The following CHRM3 variants were observed in gnomAD, a reference collection of about 807,000 sequenced individuals.
The protein encoded by CHRM3 is cholinergic receptor muscarinic 3.
Under a neutral mutation model 41.8 loss-of-function variants are expected in CHRM3, and 11 were observed. The observed-to-expected ratio is 0.26, with a 90% confidence interval of 0.17 to 0.44. CHRM3 has a LOEUF of 0.44. Among genes scored for constraint, CHRM3 ranks in the 20% least tolerant of loss-of-function variants. The probability of loss-of-function intolerance (pLI) is 1.00; values close to 1 mark genes in which losing one functional copy is unlikely to be tolerated. For synonymous variants in CHRM3, 297 were observed against 301.4 expected (o/e 0.99, Z 0.15); for missense variants, 571 against 745.4 (o/e 0.77, Z 2.72).
intron 2 of CHRM3, among the ~76,000 whole-genome samples, chr1:239,507,148 A>T (rs577371724): frequency 3.9e-5 from 6 of 152,086 alleles, no homozygotes; most frequent in African/African-American, 1.4e-4. Context: ...ACTTTGGGGG[A>T]CTGTTCAGAA....
intron 1 of CHRM3, among the ~76,000 whole-genome samples, chr1:239,463,815 C>T (rs994843591): frequency 8.5e-5 from 13 of 152,176 alleles, no homozygotes; most frequent in Non-Finnish European, 1.9e-4. Context: ...ACTGAAACCT[C>T]ATGCTCATTG....
At chr1:239,807,348 C>T (rs772745254) in intron 5 of CHRM3, among the ~76,000 whole-genome samples, 81 of 152,162 alleles carry the variant, frequency 5.3e-4, no homozygotes, top group Admixed American at 7.9e-4. Context: ...CAGATTGGCA[C>T]AACCTGAAAA....
chr1:239,525,173 G>C (rs776047201), intron 2 of CHRM3, among the ~76,000 whole-genome samples: 1 of 152,004 alleles, frequency 6.6e-6, no homozygotes, highest in East Asian at 1.9e-4. Flanking sequence ...GACCAGCCTG[G>C]GCAACATAGG....
At chr1:239,712,747 A>G (rs958047778) in intron 5 of CHRM3, among the ~76,000 whole-genome samples, 1 of 152,136 alleles carries the variant, frequency 6.6e-6, no homozygotes, top group Non-Finnish European at 1.5e-5. Context: ...GTTTCTCTTT[A>G]ATGAAAAGGT....
chr1:239,559,618 T>A (rs929443398), intron 3 of CHRM3, among the ~76,000 whole-genome samples: 2 of 152,208 alleles, frequency 1.3e-5, no homozygotes, highest in Admixed American at 6.6e-5. Flanking sequence ...GGCTTTAACC[T>A]CAAAACTAAG....
intron 3 of CHRM3, among the ~76,000 whole-genome samples, chr1:239,553,082 G>T (rs1398870343): frequency 1.3e-5 from 2 of 151,962 alleles, no homozygotes; most frequent in African/African-American, 4.8e-5. Context: ...TTACAAACGA[G>T]GAGACGTATA....
chr1:239,467,906 C>CA (rs1366077545), intron 1 of CHRM3, among the ~76,000 whole-genome samples: 1 of 77,126 alleles, frequency 1.3e-5, no homozygotes, highest in Non-Finnish European at 2.5e-5. Context: ...CCTACCCCCC[C>CA]CCAACGTTAT....
chr1:239,427,099 T>C (rs1173650584), intron 1 of CHRM3, among the ~76,000 whole-genome samples: 4 of 152,078 alleles, frequency 2.6e-5, no homozygotes, highest in Admixed American at 6.5e-5. Flanking sequence ...TGTGTGAAAA[T>C]TGGAAAAAGA....
intron 1 of CHRM3, among the ~76,000 whole-genome samples, chr1:239,443,799 A>T (rs1663914706): frequency 6.6e-6 from 1 of 152,208 alleles, no homozygotes; most frequent in Non-Finnish European, 1.5e-5. Context: ...AACTCCTTGA[A>T]GGGTAGATAT....
intron 6 of CHRM3, among the ~76,000 whole-genome samples, chr1:239,887,774 T>C (rs1351948244): frequency 6.6e-6 from 1 of 152,224 alleles, no homozygotes; most frequent in Non-Finnish European, 1.5e-5. Context: ...TCTATATTTT[T>C]ATTGAAATCA....
chr1:239,519,741 C>CTGTTTTTT (rs1669500430), intron 2 of CHRM3, among the ~76,000 whole-genome samples: 2 of 85,066 alleles, frequency 2.4e-5, no homozygotes, highest in Non-Finnish European at 4.2e-5. Flanking sequence ...AAAACTAGTT[C>CTGTTTTTT]TTTTTTTTTT....
At position 239,860,328 on chromosome 1, in the gene CHRM3, T is replaced by C. The variant is rs532468513; in HGVS notation, c.-20+32950T>C. The stretch of plus-strand genomic sequence containing the variant: ...ATAAAAGTACTATACAAAAACATTA[T>C]TACTAAATGTATGAATACCCACATT... On this transcript the variant is annotated intron_variant, in intron 6 of 6. Coordinates refer to ENST00000676153, the MANE Select transcript of CHRM3 (RefSeq NM_001375978.1). Among the ~76,000 whole-genome samples the C allele has an allele frequency of 7.2e-5, 11 of 152,304 alleles. 1 individual carries two copies. In the South Asian group the frequency reaches 2.3e-3, roughly 32 times the overall value.
intron 1 of CHRM3, among the ~76,000 whole-genome samples, chr1:239,438,478 T>G (rs1037764836): frequency 1.3e-5 from 2 of 152,244 alleles, no homozygotes; most frequent in African/African-American, 4.8e-5. Flanking sequence ...CTGCTTTATC[T>G]TGGTGTGCTG....
intron 3 of CHRM3, among the ~76,000 whole-genome samples, chr1:239,575,475 C>T (rs1282638619): frequency 6.6e-6 from 1 of 152,128 alleles, no homozygotes; most frequent in African/African-American, 2.4e-5. Context: ...ATTTCTAATG[C>T]AACAACCACA....
At chr1:239,443,328 G>A (rs1457354186) in intron 1 of CHRM3, among the ~76,000 whole-genome samples, 1 of 152,116 alleles carries the variant, frequency 6.6e-6, no homozygotes, top group African/African-American at 2.4e-5. Context: ...GTATTAAAAT[G>A]AGAATTTCCT....
chr1:239,525,853 C>T (rs982418828), intron 2 of CHRM3, among the ~76,000 whole-genome samples: 1 of 152,170 alleles, frequency 6.6e-6, no homozygotes, highest in Non-Finnish European at 1.5e-5. Flanking sequence ...AGTGGTTCTC[C>T]ACCTCACCTG....
intron 5 of CHRM3, among the ~76,000 whole-genome samples, chr1:239,751,800 T>C (rs1178221315): frequency 1.3e-5 from 2 of 152,196 alleles, no homozygotes; most frequent in African/African-American, 2.4e-5. Flanking sequence ...ATAAGATTCG[T>C]GGTGAATAAA....
intron 1 of CHRM3, among the ~76,000 whole-genome samples, chr1:239,397,213 C>T (rs768063083): frequency 4.6e-5 from 7 of 152,122 alleles, no homozygotes; most frequent in African/African-American, 2.4e-5. Context: ...TCTCAGATTG[C>T]AATTTTATAC....
rs752599446 is a variant in CHRM3 at position 239,404,295 on chromosome 1, AAAGAAAGGAGAGAG to A, written c.-521+17076_-521+17089del. 6.3e-4 allele frequency among the ~76,000 whole-genome samples: 94 copies of A among 149,204 alleles called. 2 individuals are homozygous for A. The East Asian group carries it at 0.016, about 25-fold the overall frequency. On this transcript the variant is annotated intron_variant, in intron 1 of 6. Coordinates refer to ENST00000676153, the MANE Select transcript of CHRM3 (RefSeq NM_001375978.1). ...CAGAGCGAGACTCTGTCTCAAAAAAAAAGAAAGGAGAGAGAAGAAAGAAAGGAAGGAAGGAAGGA... is the reference window on the plus strand; with the variant it reads ...CAGAGCGAGACTCTGTCTCAAAAAAAAAGAAAGAAAGGAAGGAAGGAAGGA...
Sources: gnomAD v4.1 joint callset for allele counts (sites outside exome capture counted in the v4.1 genomes callset) on GRCh38, gnomAD v4.1.1 for gene constraint, MANE v1.5 for transcripts, NCBI Gene and HGNC (gene_info 2026-07-23, HGNC 2026-07-21) for gene names.